LIPK: variants seen among roughly 807,000 people sequenced by gnomAD.
The protein encoded by LIPK is lipase family member K.
A neutral mutation model predicts 48.6 loss-of-function variants in LIPK; 32 were observed. The observed-to-expected ratio is 0.66, with a 90% confidence interval of 0.50 to 0.88. The LOEUF is 0.88. LIPK is among the 40% of genes least tolerant of loss of function. LIPK has a pLI of 0.00. For missense variants in LIPK, 507 were observed against 478.5 expected, an observed-to-expected ratio of 1.06 and a Z score of -0.56; for synonymous variants, 164 against 157.4, an observed-to-expected ratio of 1.04 and a Z score of -0.32.
chr10:88,731,187 G>A lies in LIPK; in HGVS notation c.422+6G>A, dbSNP rs764406359. The A allele has an allele frequency of 6.5e-7, 1 of 1,530,910 alleles. No individual in the cohort carries two copies. The highest frequency in any genetic ancestry group is 8.8e-7 in the Non-Finnish European group (1 of 1,142,150). The allele number at this position is 1,530,910 out of a possible 1,614,324, so 94.8% of individuals were successfully genotyped here. ...CCGGAATACTGGGCCTTCAGGTAAA[G>A]AGAAACCTATTAATGAATAAAATGT... is the stretch of plus-strand genomic sequence containing the variant. On this transcript the variant is annotated splice_donor_region_variant and intron_variant, in intron 4 of 9. Transcript: ENST00000404190.
chr10:88,721,051 C>T (rs1842214417), intron 1 of LIPK, among the ~76,000 whole-genome samples: 2 of 151,998 alleles, frequency 1.3e-5, no homozygotes, highest in Non-Finnish European at 2.9e-5. Flanking sequence ...TCCTTATATG[C>T]ATTAGCATAT....
chr10:88,740,161 C>A (rs931617859), intron 8 of LIPK, 94 bp downstream of exon 8: 19 of 728,484 alleles, frequency 2.6e-5, no homozygotes, highest in Non-Finnish European at 2.2e-6. Flanking sequence ...TCTGCTGGCA[C>A]CTGCCACTGC....
rs555589460 is a variant in LIPK at position 88,737,680 on chromosome 10, C to A, written c.715C>A (p.Gln239Lys). The part of the protein sequence containing the change: ...KMFHPHTLFD[Q>K]FIATKVCNRK... ...GTTCCACCCTCATACATTGTTTGACCAATTCATTGCCACCAAAGTGTGCAA... is the reference window on the plus strand; with the variant it reads ...GTTCCACCCTCATACATTGTTTGACAAATTCATTGCCACCAAAGTGTGCAA... The change falls in exon 7 of 10, where the codon CAA (glutamine) becomes AAA (lysine). Residue 239 changes from glutamine (Q) to lysine (K), a missense_variant. Transcript: ENST00000404190. 73 of 1,613,774 alleles carry A rather than the reference C, an allele frequency of 4.5e-5. No homozygotes were observed. The African/African-American group carries it at 8.3e-4, about 18-fold the overall frequency.
intron 1 of LIPK, among the ~76,000 whole-genome samples, chr10:88,720,411 T>C (rs1842199708): frequency 6.6e-6 from 1 of 152,094 alleles, no homozygotes; most frequent in African/African-American, 2.4e-5. Flanking sequence ...AAAAAGTAAC[T>C]ATTTGGTACT....
At chr10:88,728,223 C>T in intron 3 of LIPK, 1 of 198,356 alleles carries the variant, frequency 5.0e-6, no homozygotes, top group Non-Finnish European at 1.0e-5. Context: ...GGCCACATCT[C>T]TGGTCCTATC....
chr10:88,722,608 T>A (rs758767467), intron 1 of LIPK, among the ~76,000 whole-genome samples: 25 of 152,328 alleles, frequency 1.6e-4, no homozygotes, highest in South Asian at 8.3e-4. Flanking sequence ...ATGGTGATTA[T>A]GATGCCTGTG....
chr10:88,739,479 C>T (rs1842638422), intron 7 of LIPK, among the ~76,000 whole-genome samples: 1 of 144,894 alleles, frequency 6.9e-6, no homozygotes, highest in Non-Finnish European at 1.5e-5. Context: ...CAGGACAGAG[C>T]TGGTGGAGGA....
intron 1 of LIPK, among the ~76,000 whole-genome samples, chr10:88,722,095 C>G (rs573652892): frequency 1.3e-5 from 2 of 152,112 alleles, no homozygotes; most frequent in Non-Finnish European, 2.9e-5. Flanking sequence ...GTCAGGAGTT[C>G]GAGACCAGCC....
chr10:88,731,978 C>G (rs545181655), intron 4 of LIPK, among the ~76,000 whole-genome samples, 200 bp from the exon 5 acceptor site: 1 of 152,330 alleles, frequency 6.6e-6, no homozygotes, highest in African/African-American at 2.4e-5. Flanking sequence ...TCAAATTTTT[C>G]TGATTTCAGT....
chr10:88,727,640 G>C (rs558481779), intron 3 of LIPK: 36 of 163,382 alleles, frequency 2.2e-4, no homozygotes, highest in Non-Finnish European at 4.1e-4. Context: ...CTTCCAGGTA[G>C]GTAGCAGCTT....
At chr10:88,712,420 T>C (rs1842042690) in intron 1 of LIPK, among the ~76,000 whole-genome samples, 1 of 152,228 alleles carries the variant, frequency 6.6e-6, no homozygotes, top group Admixed American at 6.5e-5. Flanking sequence ...TTACTATTCA[T>C]GCACTTATTC....
chr10:88,727,968 G>T, intron 3 of LIPK: 1 of 332,528 alleles, frequency 3.0e-6, no homozygotes, highest in Non-Finnish European at 6.0e-6. Flanking sequence ...ACTTTCTGCG[G>T]CAGCTGGACA....
intron 9 of LIPK, among the ~76,000 whole-genome samples, chr10:88,746,572 A>C (rs950281481): frequency 6.6e-6 from 1 of 152,204 alleles, no homozygotes; most frequent in African/African-American, 2.4e-5. Context: ...GAAACTAATG[A>C]AAACAAAGAT....
At chr10:88,736,668 A>G (rs1212845119) in intron 6 of LIPK, among the ~76,000 whole-genome samples, 1 of 152,224 alleles carries the variant, frequency 6.6e-6, no homozygotes, top group African/African-American at 2.4e-5. Context: ...GTGAAAGAAA[A>G]TAGCCACTTC....
rs774436731 is a variant in LIPK at position 88,752,717 on chromosome 10, A to C, written c.1161A>C (p.Gln387His). Residue 387 changes from glutamine to histidine, a missense_variant, in exon 10 of 10, where the codon CAA becomes CAC. Transcript: ENST00000404190. ...AGGATGCACCTCAGGAAATTTACCA[A>C]GACCTAATTATATTGATGGAAGAAT... ...LGEDAPQEIYQDLIILMEEYL... is the reference protein window; with the variant it reads ...LGEDAPQEIYHDLIILMEEYL... The C allele has an allele frequency of 1.3e-6, 2 of 1,564,082 alleles. No individual in the cohort carries two copies. The highest frequency in any genetic ancestry group is 1.4e-5 in the African/African-American group (1 of 73,996).
chr10:88,710,683 T>G (rs573535897), intron 1 of LIPK, among the ~76,000 whole-genome samples: 15 of 152,302 alleles, frequency 9.8e-5, no homozygotes, highest in Admixed American at 2.6e-4. Context: ...GTAGTAAGCA[T>G]TCCATTACAT....
chr10:88,715,650 A>G (rs1279267242), intron 1 of LIPK, among the ~76,000 whole-genome samples: 1 of 151,898 alleles, frequency 6.6e-6, no homozygotes, highest in Admixed American at 6.6e-5. Context: ...AATTTTTGGT[A>G]CAGTTTTGTT....
intron 9 of LIPK, among the ~76,000 whole-genome samples, chr10:88,746,703 G>A (rs1014105400): frequency 2.6e-5 from 4 of 151,988 alleles, no homozygotes; most frequent in Non-Finnish European, 4.4e-5. Context: ...ATCACACCTA[G>A]AGAAACTAGA....
intron 1 of LIPK, among the ~76,000 whole-genome samples, chr10:88,717,881 G>T (rs949827731): frequency 1.0e-4 from 15 of 146,330 alleles, no homozygotes; most frequent in Admixed American, 9.6e-4. Flanking sequence ...ATTATTTAAT[G>T]TTTTTTTTTT....
Sources: gnomAD v4.1 joint callset for allele counts (sites outside exome capture counted in the v4.1 genomes callset) on GRCh38, gnomAD v4.1.1 for gene constraint, MANE v1.5 for transcripts, NCBI Gene and HGNC (gene_info 2026-07-23, HGNC 2026-07-21) for gene names.